The following ARHGEF10 variants were observed in gnomAD, a reference collection of about 807,000 sequenced individuals.
ARHGEF10 encodes Rho guanine nucleotide exchange factor (GEF) 10.
ARHGEF10 carries 140 observed loss-of-function variants against 147.4 expected under a neutral mutation model. The observed-to-expected ratio is 0.95, with a 90% CI of 0.83 to 1.09. The LOEUF (loss-of-function observed/expected upper bound fraction) is 1.09. Among genes scored for constraint, ARHGEF10 ranks in the 50% least tolerant of loss-of-function variants. ARHGEF10 has a pLI of 0.00. For missense variants in ARHGEF10, 2,222 were observed against 1,752.7 expected (o/e 1.27, Z -4.78); for synonymous variants, 902 against 695.8 (o/e 1.30, Z -4.67).
At chr8:1,832,851 GAGAGAC>G (rs1563148782) in intron 1 of ARHGEF10, among the ~76,000 whole-genome samples, 2 of 141,084 alleles carry the variant, frequency 1.4e-5, no homozygotes, top group Admixed American at 7.0e-5. Flanking sequence ...CAGAGGCAGA[GAGAGAC>G]AGAGGCAGAG....
chr8:1,868,402 A>C (rs549100153), intron 6 of ARHGEF10, among the ~76,000 whole-genome samples: 22 of 152,218 alleles, frequency 1.4e-4, no homozygotes, highest in Admixed American at 6.5e-5. Context: ...CCGCTAGTCA[A>C]TGAGTGGAAC....
At chr8:1,847,319 C>A (rs1270913880) in intron 2 of ARHGEF10, among the ~76,000 whole-genome samples, 1 of 152,210 alleles carries the variant, frequency 6.6e-6, no homozygotes, top group Non-Finnish European at 1.5e-5. Context: ...TTATGAAGTA[C>A]TTAGACCTAG....
chr8:1,953,748 C>T (rs751855945), intron 28 of ARHGEF10, among the ~76,000 whole-genome samples: 1 of 152,182 alleles, frequency 6.6e-6, no homozygotes, highest in African/African-American at 2.4e-5. Context: ...GTGGTGTGTG[C>T]AGAGCCTGCA....
At chr8:1,854,077 G>C (rs9694444) in intron 2 of ARHGEF10, among the ~76,000 whole-genome samples, 1,679 of 152,304 alleles carry the variant, frequency 0.011, 37 homozygotes, top group African/African-American at 0.039. Context: ...CAAATGCTGG[G>C]ATTTTTAAAG....
upstream of ARHGEF10, chr8:1,823,907 A>G (rs1485048675): frequency 3.3e-5 from 5 of 149,886 alleles, no homozygotes; most frequent in Non-Finnish European, 5.9e-5. Flanking sequence ...TGGTGGGTGG[A>G]GCAGGCCGTC....
At position 1,958,277 on chromosome 8, in the gene ARHGEF10, C is replaced by T. The variant is rs572995620; in HGVS notation, c.*1014C>T. 3.9e-5 allele frequency: 6 copies of T among 152,354 alleles called. No individual in the cohort carries two copies. The highest frequency in any genetic ancestry group is 2.1e-4 in the South Asian group (1 of 4,828). The allele number at this position is 152,354 out of a possible 1,614,324, so 9.4% of individuals were successfully genotyped here. ...CGGGCCAGCCTGTCTGTTGTGCAGA[C>T]GCCTCCTCTGCAGAACGCATCAGTT... On this transcript the variant is annotated 3_prime_UTR_variant, in exon 29 of 29. Transcript: ENST00000349830.
rs1338969612 is a variant in ARHGEF10, at chr8:1,958,398, C to G, written c.*1135C>G. On this transcript the variant is annotated 3_prime_UTR_variant, in exon 29 of 29. Transcript: ENST00000349830. Reference sequence around the variant, plus strand: ...TGCATACTTAGTGAGCGCCATCCTGCTGAACGTGTATTTCAGTGTTTCACT... The same window carrying G: ...TGCATACTTAGTGAGCGCCATCCTGGTGAACGTGTATTTCAGTGTTTCACT... The G allele has an allele frequency of 6.6e-6, 1 of 152,212 alleles. No homozygotes were observed. Among genetic ancestry groups the G allele is most frequent in the Non-Finnish European group, 1.5e-5 (1 of 68,048 alleles). 9.4% of individuals were successfully genotyped at this position (152,212 alleles called of 1,614,324 possible).
At chr8:1,865,651 C>A (rs1308956280) in intron 5 of ARHGEF10, among the ~76,000 whole-genome samples, 1 of 152,240 alleles carries the variant, frequency 6.6e-6, no homozygotes, top group Non-Finnish European at 1.5e-5. Context: ...CCTGCAGGTA[C>A]CTTGGGGCCT....
Position 1,882,899 on chromosome 8 carries a change from C to T in ARHGEF10, c.1075+150C>T, listed in dbSNP as rs1007086640. 9 of 737,214 alleles carry T rather than the reference C, an allele frequency of 1.2e-5. No individual in the cohort carries two copies. The South Asian group carries it at 1.3e-4, about 11-fold the overall frequency. The allele number at this position is 737,214 out of a possible 1,614,324, so 45.7% of individuals were successfully genotyped here. On this transcript the variant is annotated intron_variant, in intron 10 of 28. Transcript: ENST00000349830. Reference sequence around the variant, plus strand: ...TGCTCAGTGCTTGGGTCTGAATCAGCCCTGCTGACCCCAGCCTCCCCGTCC... The same window carrying T: ...TGCTCAGTGCTTGGGTCTGAATCAGTCCTGCTGACCCCAGCCTCCCCGTCC...
intron 26 of ARHGEF10, among the ~76,000 whole-genome samples, chr8:1,938,825 C>T (rs117676460): frequency 0.013 from 1,978 of 152,158 alleles, 21 homozygotes; most frequent in Non-Finnish European, 0.021. Flanking sequence ...CAGAGATCCC[C>T]GAACACTGTG....
intron 26 of ARHGEF10, among the ~76,000 whole-genome samples, chr8:1,935,077 A>C (rs116918626): frequency 6.6e-6 from 1 of 152,316 alleles, no homozygotes; most frequent in South Asian, 2.1e-4. Flanking sequence ...TAGCCTCCTT[A>C]GCAACTAACA....
intron 9 of ARHGEF10, among the ~76,000 whole-genome samples, chr8:1,881,296 A>G (rs942649042): frequency 2.0e-5 from 3 of 148,922 alleles, no homozygotes; most frequent in African/African-American, 5.1e-5. Flanking sequence ...CTCAGGGAGC[A>G]TGGCGGCCCT....
In ARHGEF10 at chr8:1,843,369, C is replaced by G. The variant is rs780689404; in HGVS notation, c.-31C>G. 2.8e-5 allele frequency: 45 copies of G among 1,612,674 alleles called. No individual in the cohort carries two copies. The highest frequency in any genetic ancestry group is 3.5e-5 in the Non-Finnish European group (41 of 1,179,948). ...TTCTTGCAGGAGCTCCTTCCCTTAA[C>G]AGAGCTGAGAGAGGCATCTGGAGCT... is the stretch of plus-strand genomic sequence containing the variant. On this transcript the variant is annotated 5_prime_UTR_variant, in exon 2 of 29. Transcript: ENST00000349830.
intron 2 of ARHGEF10, among the ~76,000 whole-genome samples, chr8:1,844,157 G>T (rs1380379279): frequency 6.6e-6 from 1 of 152,130 alleles, no homozygotes; most frequent in Admixed American, 6.5e-5. Context: ...GAGCTGTGGA[G>T]GTCACGGAAT....
intron 6 of ARHGEF10, among the ~76,000 whole-genome samples, chr8:1,867,422 C>G (rs1173427191): frequency 6.6e-6 from 1 of 152,228 alleles, no homozygotes; most frequent in Non-Finnish European, 1.5e-5. Flanking sequence ...TTTATAATCT[C>G]ACTCCTTGAA....
At chr8:1,951,654 C>T (rs1437112429) in intron 27 of ARHGEF10, among the ~76,000 whole-genome samples, 2 of 152,210 alleles carry the variant, frequency 1.3e-5, no homozygotes, top group Non-Finnish European at 2.9e-5. Context: ...AGAAAAGAAT[C>T]AAACTGTTTT....
At chr8:1,923,251 C>T (rs1472702106) in intron 19 of ARHGEF10, 172 bp downstream of exon 19, 2 of 888,708 alleles carry the variant, frequency 2.3e-6, no homozygotes, top group South Asian at 1.7e-5. Flanking sequence ...TTAATGGTAA[C>T]TTTTCTTCAT....
At chr8:1,869,150 T>G (rs1563203585) in intron 6 of ARHGEF10, 44 bp from the exon 7 acceptor site, 1 of 1,560,090 alleles carries the variant, frequency 6.4e-7, no homozygotes, top group East Asian at 2.2e-5. Flanking sequence ...TTGCACTAGG[T>G]TTTGTTGGTC....
At chr8:1,949,470 T>A (rs751859205) in intron 27 of ARHGEF10, among the ~76,000 whole-genome samples, 4 of 152,054 alleles carry the variant, frequency 2.6e-5, no homozygotes, top group Non-Finnish European at 2.9e-5. Context: ...GCGCCTCAGC[T>A]TTTAGGTTGT....
Sources: allele counts gnomAD v4.1 joint callset (sites outside exome capture counted in the v4.1 genomes callset), GRCh38; gene constraint gnomAD v4.1.1; transcripts MANE v1.5; gene names NCBI Gene and HGNC (gene_info 2026-07-23, HGNC 2026-07-21).